Variants in PHLDB2 observed in about 807,000 individuals in gnomAD.
PHLDB2 encodes pleckstrin homology-like domain family B member 2.
PHLDB2 carries 71 observed loss-of-function variants against 123.6 expected under a neutral mutation model. The observed-to-expected ratio is 0.57, with a 90% CI of 0.47 to 0.70. PHLDB2 has a LOEUF of 0.70. Among genes scored for constraint, PHLDB2 ranks in the 30% least tolerant of loss-of-function variants. PHLDB2 has a pLI of 0.00. For missense variants in PHLDB2, 1,446 were observed against 1,519.5 expected (o/e 0.95, Z 0.80); for synonymous variants, 547 against 541.6 (o/e 1.01, Z -0.14).
At chr3:111,935,917 A>C (rs1271305315) in intron 6 of PHLDB2, among the ~76,000 whole-genome samples, 7 of 152,172 alleles carry the variant, frequency 4.6e-5, no homozygotes, top group African/African-American at 1.7e-4. Flanking sequence ...CCTTCAATCC[A>C]ATCAGGTTGA....
At chr3:111,959,889 G>C (rs749522480) in intron 12 of PHLDB2, among the ~76,000 whole-genome samples, 41 of 152,190 alleles carry the variant, frequency 2.7e-4, no homozygotes, top group Non-Finnish European at 4.4e-4. Context: ...CTCAGGGAGA[G>C]GAAGAGGTTG....
intron 2 of PHLDB2, among the ~76,000 whole-genome samples, chr3:111,850,143 A>G (rs1478523788): frequency 6.6e-6 from 1 of 151,566 alleles, no homozygotes; most frequent in Non-Finnish European, 1.5e-5. Flanking sequence ...TTACAGGCAT[A>G]AGCCACCGCG....
chr3:111,763,233 T>C (rs1277915388), intron 1 of PHLDB2, among the ~76,000 whole-genome samples: 1 of 152,236 alleles, frequency 6.6e-6, no homozygotes, highest in Non-Finnish European at 1.5e-5. Flanking sequence ...ACACTGTTTA[T>C]GCTGTGTGAA....
At chr3:111,866,541 T>C (rs141779986) in intron 1 of PHLDB2, among the ~76,000 whole-genome samples, 401 of 152,160 alleles carry the variant, frequency 2.6e-3, no homozygotes, top group African/African-American at 9.3e-3. Flanking sequence ...TGATCAGTAG[T>C]GTGGGATGGG....
At chr3:111,845,753 G>T in intron 1 of PHLDB2, 2 of 1,569,550 alleles carry the variant, frequency 1.3e-6, no homozygotes, top group Non-Finnish European at 1.7e-6. Flanking sequence ...AAGTTCTGTT[G>T]ACCTTGAGTT....
At chr3:111,974,057 A>C (rs2072398410) in intron 17 of PHLDB2, among the ~76,000 whole-genome samples, 1 of 152,118 alleles carries the variant, frequency 6.6e-6, no homozygotes, top group Non-Finnish European at 1.5e-5. Context: ...CTGCGAAACG[A>C]CTCTGCCAGG....
At chr3:111,966,793 C>A in intron 14 of PHLDB2, 90 bp downstream of exon 14, 1 of 904,326 alleles carries the variant, frequency 1.1e-6, no homozygotes, top group Non-Finnish European at 1.7e-6. Context: ...CCTTAAGGAG[C>A]CGTGTGTTCC....
At chr3:111,872,023 G>A (rs2065363601) in intron 1 of PHLDB2, among the ~76,000 whole-genome samples, 1 of 152,178 alleles carries the variant, frequency 6.6e-6, no homozygotes, top group Non-Finnish European at 1.5e-5. Context: ...TAGGTTTCAG[G>A]TGATAAAATA....
chr3:111,911,253 A>T (rs931354364), intron 2 of PHLDB2, among the ~76,000 whole-genome samples: 1 of 152,232 alleles, frequency 6.6e-6, no homozygotes, highest in Non-Finnish European at 1.5e-5. Flanking sequence ...CCAAATATTT[A>T]TGCCAAGGCT....
intron 1 of PHLDB2, among the ~76,000 whole-genome samples, chr3:111,818,286 A>T (rs1449509608): frequency 6.6e-6 from 1 of 151,932 alleles, no homozygotes; most frequent in African/African-American, 2.4e-5. Flanking sequence ...GAGATGAAGG[A>T]AGTGGAATCC....
rs150092814 is a variant in PHLDB2, at chr3:111,878,810, C to T, written c.-14-5254C>T. The stretch of plus-strand genomic sequence containing the variant: ...CCTTTTCTGCACCTATTGAGACAAT[C>T]ATGTGGTTTTTATTATTGGTTCTGA... On this transcript the variant is annotated intron_variant, in intron 1 of 17. Transcript: ENST00000431670. Among the ~76,000 whole-genome samples the T allele has an allele frequency of 3.3e-4, 50 of 152,266 alleles. No individual in the cohort carries two copies. In the East Asian group the frequency reaches 8.9e-3, roughly 27 times the overall value.
intron 1 of PHLDB2, among the ~76,000 whole-genome samples, chr3:111,796,665 C>G (rs1054341004): frequency 2.0e-5 from 3 of 152,140 alleles, no homozygotes; most frequent in African/African-American, 7.2e-5. Flanking sequence ...ACCTGAGTAG[C>G]TGGGATTACA....
intron 1 of PHLDB2, among the ~76,000 whole-genome samples, chr3:111,865,193 C>CT (rs2065008646): frequency 6.6e-6 from 1 of 152,202 alleles, no homozygotes; most frequent in South Asian, 2.1e-4. Context: ...GCAGAAGTAG[C>CT]TTTTCAAAAA....
At position 111,899,946 on chromosome 3, in the gene PHLDB2, T is replaced by G. The variant is rs561444408; in HGVS notation, c.1336-13373T>G. 8.5e-5 allele frequency among the ~76,000 whole-genome samples: 13 copies of G among 152,310 alleles called. No individual in the cohort carries two copies. The South Asian group carries it at 2.7e-3, about 32-fold the overall frequency. ...ATGTAACCACCTTCATCAATTATCT[T>G]AGATCTTTCCAATTGACTTGCTGCA... is the stretch of plus-strand genomic sequence containing the variant. On this transcript the variant is annotated intron_variant, in intron 2 of 17. Transcript: ENST00000431670.
At chr3:111,953,835 C>G in intron 11 of PHLDB2, 95 bp from the exon 12 acceptor site, 1 of 950,438 alleles carries the variant, frequency 1.1e-6, no homozygotes, top group Middle Eastern at 2.9e-4. Flanking sequence ...GCCCTGTACA[C>G]TTAGATAGGA....
rs1486657964 is a variant in PHLDB2, at chr3:111,751,151, C to A, written c.-49+18448C>A. ...ATACCAAATATAAAAAAGAAAAAAGCAGAAAGGAGACAATGGGGTGTGTGT... is the reference window on the plus strand; with the variant it reads ...ATACCAAATATAAAAAAGAAAAAAGAAGAAAGGAGACAATGGGGTGTGTGT... On this transcript the variant is annotated intron_variant, in intron 1 of 17. Transcript: ENST00000393923. 2.0e-5 allele frequency among the ~76,000 whole-genome samples: 3 copies of A among 148,312 alleles called. No individual in the cohort carries two copies. The East Asian group carries it at 6.0e-4, about 30-fold the overall frequency.
At chr3:111,905,514 A>T (rs570011390) in intron 2 of PHLDB2, among the ~76,000 whole-genome samples, 1 of 151,898 alleles carries the variant, frequency 6.6e-6, no homozygotes, top group African/African-American at 2.4e-5. Context: ...GTGCCACCTC[A>T]CCCAGCTAAT....
At chr3:111,735,376 C>G (rs1941652612) in intron 1 of PHLDB2, among the ~76,000 whole-genome samples, 1 of 152,114 alleles carries the variant, frequency 6.6e-6, no homozygotes, top group South Asian at 2.1e-4. Context: ...TAATCCGCCC[C>G]CCACCCCTAG....
chr3:111,934,174 GAT>G (rs1166908766), intron 6 of PHLDB2, among the ~76,000 whole-genome samples: 1 of 152,146 alleles, frequency 6.6e-6, no homozygotes, highest in Non-Finnish European at 1.5e-5. Context: ...CCTTAGGAGA[GAT>G]AACTGGCTTG....
Sources: allele counts gnomAD v4.1 joint callset (sites outside exome capture counted in the v4.1 genomes callset), GRCh38; gene constraint gnomAD v4.1.1; transcripts MANE v1.5; gene names NCBI Gene and HGNC (gene_info 2026-07-23, HGNC 2026-07-21).